Variants in ADGRV1 observed in about 807,000 individuals in gnomAD.
ADGRV1 encodes the protein G-protein coupled receptor 98.
In ADGRV1, 359 loss-of-function variants were observed where a neutral mutation model predicts 596.2. The ratio of observed to expected loss-of-function variants is 0.60; its 90% CI spans 0.55 to 0.66. The LOEUF (loss-of-function observed/expected upper bound fraction) is 0.66. ADGRV1 is among the 30% of genes least tolerant of loss of function. The pLI, the probability that ADGRV1 is intolerant of heterozygous loss-of-function variation, is 0.00. For missense variants in ADGRV1, 7,274 were observed against 7,575.6 expected (o/e 0.96, Z 1.48); for synonymous variants, 2,681 against 2,679.2 (o/e 1.00, Z -0.02).
chr5:90,708,760 G>A, intron 38 of ADGRV1, 56 bp from the exon 39 acceptor site: 1 of 1,100,914 alleles, frequency 9.1e-7, no homozygotes, highest in Non-Finnish European at 1.4e-6. Flanking sequence ...CAGTTTCTGA[G>A]GGTTAATTAC....
intron 1 of ADGRV1, among the ~76,000 whole-genome samples, chr5:90,613,447 T>C (rs1762956434): frequency 6.6e-6 from 1 of 152,106 alleles, no homozygotes. Flanking sequence ...TTCCCTTCCA[T>C]TTCTCTCATC....
At chr5:90,827,507 A>G (rs1764167203) in intron 76 of ADGRV1, among the ~76,000 whole-genome samples, 1 of 152,182 alleles carries the variant, frequency 6.6e-6, no homozygotes, top group Non-Finnish European at 1.5e-5. Flanking sequence ...GTCACAATGA[A>G]AAAGGAATAT....
At chr5:90,818,490 G>A (rs1208951029) in intron 75 of ADGRV1, among the ~76,000 whole-genome samples, 1,642 of 150,202 alleles carry the variant, frequency 0.011, 6 homozygotes, top group South Asian at 0.037. Flanking sequence ...CCTGTCTTGT[G>A]CCAGTTTTCA....
intron 86 of ADGRV1, among the ~76,000 whole-genome samples, chr5:91,082,672 A>C (rs77565466): frequency 2.0e-5 from 3 of 152,128 alleles, no homozygotes; most frequent in Non-Finnish European, 4.4e-5. Context: ...GAGTAGAAAA[A>C]ATTTTTGAGG....
intron 70 of ADGRV1, among the ~76,000 whole-genome samples, chr5:90,794,628 G>A (rs2150147847): frequency 6.6e-6 from 1 of 152,228 alleles, no homozygotes; most frequent in Non-Finnish European, 1.5e-5. Flanking sequence ...GGGTGTTAAG[G>A]TACCATAAAT....
At chr5:90,825,023 A>T (rs1763954342) in intron 76 of ADGRV1, among the ~76,000 whole-genome samples, 1 of 151,052 alleles carries the variant, frequency 6.6e-6, no homozygotes, top group South Asian at 2.1e-4. Flanking sequence ...TGCAACTTCC[A>T]CCTCCTGAGT....
intron 74 of ADGRV1, among the ~76,000 whole-genome samples, 175 bp from the exon 75 acceptor site, chr5:90,815,444 T>C (rs1762800957): frequency 6.6e-6 from 1 of 152,192 alleles, no homozygotes; most frequent in African/African-American, 2.4e-5. Context: ...GTTAGACACC[T>C]TGATGTTATC....
chr5:91,108,550 AT>A (rs1792091657), intron 87 of ADGRV1, among the ~76,000 whole-genome samples: 1 of 152,244 alleles, frequency 6.6e-6, no homozygotes, highest in East Asian at 1.9e-4. Flanking sequence ...ACATTCTAGA[AT>A]CTGAGATCTC....
chr5:91,117,124 A>G (rs1367931412), intron 87 of ADGRV1, among the ~76,000 whole-genome samples: 1 of 152,222 alleles, frequency 6.6e-6, no homozygotes, highest in Non-Finnish European at 1.5e-5. Flanking sequence ...TTTGAGGAAA[A>G]CAAAAGAATT....
At chr5:90,797,002 A>T (rs981539808) in intron 70 of ADGRV1, among the ~76,000 whole-genome samples, 2 of 152,162 alleles carry the variant, frequency 1.3e-5, no homozygotes, top group Non-Finnish European at 2.9e-5. Flanking sequence ...AACCGGTACC[A>T]GCCACTGCAA....
intron 83 of ADGRV1, among the ~76,000 whole-genome samples, chr5:90,894,202 TC>T (rs1229263381): frequency 4.3e-4 from 66 of 152,198 alleles, no homozygotes; most frequent in African/African-American, 1.6e-3. Flanking sequence ...CACATGCTAT[TC>T]CCAAGGCAGA....
At position 90,682,263 on chromosome 5, in the gene ADGRV1, A is replaced by G. The variant is rs186801350; in HGVS notation, c.5664+809A>G. On this transcript the variant is annotated intron_variant, in intron 27 of 89. Coordinates refer to ENST00000405460, the MANE Select transcript of ADGRV1 (RefSeq NM_032119.4). ...TGCTTTTATCTTCTTGGCGGAGGGA[A>G]ATGTGGATGTGAAGAACAGCATACC... 2.0e-5 allele frequency among the ~76,000 whole-genome samples: 3 copies of G among 152,266 alleles called. No individual in the cohort carries two copies. In the East Asian group the frequency reaches 5.8e-4, roughly 29 times the overall value.
Position 91,032,878 on chromosome 5 carries a change from A to G in ADGRV1, c.18153-39569A>G, listed in dbSNP as rs946494411. On this transcript the variant is annotated intron_variant, in intron 85 of 89. Transcript: ENST00000405460. ...AGACTTACTTTGTATATGATTTCCT[A>G]TTAGTATTAGTACCCCAGCTTTCTG... 5.3e-5 allele frequency among the ~76,000 whole-genome samples: 8 copies of G among 152,110 alleles called. No homozygotes were observed. The East Asian group carries it at 5.8e-4, about 11-fold the overall frequency.
At position 90,778,493 on chromosome 5, in the gene ADGRV1, G is replaced by A; in HGVS notation, c.12733G>A (p.Gly4245Arg). Residue 4245 changes from glycine to arginine, a missense_variant, in exon 63 of 90, where the codon GGA (glycine) becomes AGA (arginine). By Grantham distance (125) the Gly-to-Arg change is moderately radical. Transcript: ENST00000405460. ...GTTTCAGCTCACTGCAGTCAGTGAG[G>A]GAGGAGTTCTGAGTGAATCCAGCAG... is the stretch of plus-strand genomic sequence containing the variant. Reference protein sequence around the residue: ...YEFQLTAVSEGGVLSESSSTA... With the variant: ...YEFQLTAVSERGVLSESSSTA... The A allele has an allele frequency of 6.2e-7, 1 of 1,612,746 alleles. No homozygotes were observed. Among genetic ancestry groups the A allele is most frequent in the Non-Finnish European group, 8.5e-7 (1 of 1,179,248 alleles).
chr5:91,069,629 G>A (rs188171398), intron 85 of ADGRV1, among the ~76,000 whole-genome samples: 32 of 152,294 alleles, frequency 2.1e-4, no homozygotes, highest in African/African-American at 7.7e-4. Context: ...GCAAGGTGGT[G>A]GAGAAAAGTG....
chr5:90,998,704 A>G (rs1420980837), intron 85 of ADGRV1, among the ~76,000 whole-genome samples: 1 of 152,164 alleles, frequency 6.6e-6, no homozygotes, highest in Non-Finnish European at 1.5e-5. Context: ...AGATATTGTC[A>G]AAGTGTTTTC....
chr5:90,973,791 C>T (rs938374710), intron 84 of ADGRV1, among the ~76,000 whole-genome samples: 1 of 152,090 alleles, frequency 6.6e-6, no homozygotes, highest in Admixed American at 6.6e-5. Context: ...AAAAGTGGCA[C>T]AAGACAGGGA....
rs922665826 is a variant in ADGRV1, at chr5:91,043,764, G to C, written c.18153-28683G>C. On this transcript the variant is annotated intron_variant, in intron 85 of 89. Transcript: ENST00000405460. ...CTTATCTCAAGGATTTGCATTTGCT[G>C]TCTCTTCTATCTAGGATGTTCTTTC... Among the ~76,000 whole-genome samples the C allele has an allele frequency of 3.9e-5, 6 of 151,906 alleles. No homozygotes were observed. In the South Asian group the frequency reaches 6.2e-4, roughly 16 times the overall value.
intron 86 of ADGRV1, among the ~76,000 whole-genome samples, chr5:91,083,971 C>T (rs997194912): frequency 3.9e-5 from 6 of 152,072 alleles, no homozygotes; most frequent in Admixed American, 1.3e-4. Context: ...TTCCTATTTT[C>T]GAATCTGTGT....
Sources: gnomAD v4.1 joint callset for allele counts (sites outside exome capture counted in the v4.1 genomes callset) on GRCh38, gnomAD v4.1.1 for gene constraint, MANE v1.5 for transcripts, NCBI Gene and HGNC (gene_info 2026-07-23, HGNC 2026-07-21) for gene names.